Variants in STT3B observed in about 807,000 individuals in gnomAD.
STT3B encodes STT3 oligosaccharyltransferase complex catalytic subunit B, also known as dolichyl-diphosphooligosaccharide--protein glycosyltransferase subunit STT3B.
In STT3B, 29 loss-of-function variants were observed where a neutral mutation model predicts 96.8. The ratio of observed to expected loss-of-function variants is 0.30; its 90% CI spans 0.22 to 0.41. The LOEUF is 0.41. Among genes scored for constraint, STT3B ranks in the 10% least tolerant of loss-of-function variants. The probability of loss-of-function intolerance (pLI) is 1.00; values close to 1 mark genes in which losing one functional copy is unlikely to be tolerated. For synonymous variants in STT3B, 367 were observed against 360.0 expected (o/e 1.02, Z -0.22); for missense variants, 640 against 1,022.3 (o/e 0.63, Z 5.10).
At chr3:31,589,792 G>A (rs954311936) in intron 3 of STT3B, among the ~76,000 whole-genome samples, 5 of 151,868 alleles carry the variant, frequency 3.3e-5, no homozygotes, top group Non-Finnish European at 7.4e-5. Context: ...GAGACAGAGG[G>A]TCTTTGCTAC....
intron 1 of STT3B, among the ~76,000 whole-genome samples, chr3:31,557,394 A>C (rs566938857): frequency 6.6e-6 from 1 of 151,674 alleles, no homozygotes; most frequent in Non-Finnish European, 1.5e-5. Flanking sequence ...TGTTTTTTCT[A>C]TTTCTGTAAC....
intron 1 of STT3B, among the ~76,000 whole-genome samples, chr3:31,563,824 A>G (rs534547504): frequency 6.6e-6 from 1 of 152,172 alleles, no homozygotes; most frequent in South Asian, 2.1e-4. Context: ...GTTTTTTTTG[A>G]GATGGAGTCT....
At chr3:31,599,492 A>G (rs1698876782) in intron 4 of STT3B, among the ~76,000 whole-genome samples, 1 of 152,216 alleles carries the variant, frequency 6.6e-6, no homozygotes, top group Non-Finnish European at 1.5e-5. Flanking sequence ...GTATGTATTG[A>G]AAACTGATGG....
chr3:31,578,033 G>T (rs1307897326), intron 2 of STT3B, among the ~76,000 whole-genome samples: 1 of 152,080 alleles, frequency 6.6e-6, no homozygotes, highest in Non-Finnish European at 1.5e-5. Context: ...TTTTAGGACA[G>T]TTTTACTTAG....
Position 31,559,504 on chromosome 3 carries a change from C to T in STT3B, c.315-16892C>T, listed in dbSNP as rs943201277. Reference sequence around the variant, plus strand: ...GTTGTTTAAGTTCCATGTATTTGTACAGTTTTCAAGGTTCCTCTTGTTATT... The same window carrying T: ...GTTGTTTAAGTTCCATGTATTTGTATAGTTTTCAAGGTTCCTCTTGTTATT... On this transcript the variant is annotated intron_variant, in intron 1 of 15. Coordinates refer to ENST00000295770, the MANE Select transcript of STT3B (RefSeq NM_178862.3). Among the ~76,000 whole-genome samples the T allele has an allele frequency of 2.6e-5, 4 of 151,890 alleles. 1 individual carries two copies. The highest frequency in any genetic ancestry group is 1.9e-4 in the East Asian group (1 of 5,178).
chr3:31,595,597 G>C (rs1698771743), intron 3 of STT3B, among the ~76,000 whole-genome samples: 1 of 152,048 alleles, frequency 6.6e-6, no homozygotes, highest in African/African-American at 2.4e-5. Context: ...ATCCTAAAAT[G>C]TATACTTTCT....
chr3:31,572,687 CCT>C (rs1310709889), intron 1 of STT3B, among the ~76,000 whole-genome samples: 1 of 152,114 alleles, frequency 6.6e-6, no homozygotes, highest in Non-Finnish European at 1.5e-5. Flanking sequence ...CAAAGCAAGA[CCT>C]CATCTCTACA....
intron 1 of STT3B, among the ~76,000 whole-genome samples, chr3:31,549,986 A>AT (rs928908277): frequency 6.6e-6 from 1 of 151,662 alleles, no homozygotes; most frequent in Non-Finnish European, 1.5e-5. Context: ...TTTTTTTCAG[A>AT]TTTTTTTAGT....
At chr3:31,630,457 A>G (rs1263093996) in intron 14 of STT3B, among the ~76,000 whole-genome samples, 1 of 152,222 alleles carries the variant, frequency 6.6e-6, no homozygotes, top group Non-Finnish European at 1.5e-5. Context: ...TTTGTTAAGC[A>G]TGCTATAAAA....
At chr3:31,565,587 T>C (rs1291000701) in intron 1 of STT3B, among the ~76,000 whole-genome samples, 1 of 152,156 alleles carries the variant, frequency 6.6e-6, no homozygotes, top group Non-Finnish European at 1.5e-5. Flanking sequence ...ATATAAGAAG[T>C]ATGAGAAAGG....
At chr3:31,563,438 G>A (rs1313078366) in intron 1 of STT3B, among the ~76,000 whole-genome samples, 1 of 152,106 alleles carries the variant, frequency 6.6e-6, no homozygotes, top group East Asian at 1.9e-4. Context: ...TTTTCAGATA[G>A]GCAAGCAAAC....
At chr3:31,592,102 A>G (rs1267239127) in intron 3 of STT3B, among the ~76,000 whole-genome samples, 5 of 152,172 alleles carry the variant, frequency 3.3e-5, no homozygotes, top group Admixed American at 6.6e-5. Flanking sequence ...AACTATACCC[A>G]TTAAACAATA....
intron 2 of STT3B, 60 bp from the exon 3 acceptor site, chr3:31,579,749 C>A: frequency 7.6e-7 from 1 of 1,309,868 alleles, no homozygotes. Flanking sequence ...AGAGTACATA[C>A]ATTAATATTT....
intron 1 of STT3B, among the ~76,000 whole-genome samples, chr3:31,551,633 G>A (rs1697563293): frequency 1.3e-5 from 2 of 152,130 alleles, no homozygotes; most frequent in South Asian, 4.1e-4. Flanking sequence ...GGCCAGTTTT[G>A]GTAGTCGTAT....
intron 12 of STT3B, among the ~76,000 whole-genome samples, chr3:31,625,520 T>A (rs1699517043): frequency 6.6e-6 from 1 of 152,250 alleles, no homozygotes; most frequent in African/African-American, 2.4e-5. Context: ...CAAAGATTTT[T>A]AAATACAAAG....
At chr3:31,598,225 A>T (rs1559380472) in intron 4 of STT3B, among the ~76,000 whole-genome samples, 1 of 152,220 alleles carries the variant, frequency 6.6e-6, no homozygotes, top group Non-Finnish European at 1.5e-5. Context: ...TTTGCCTGTC[A>T]TATATCAAGC....
chr3:31,580,242 A>T (rs913257993), intron 3 of STT3B, 146 bp downstream of exon 3: 19 of 749,358 alleles, frequency 2.5e-5, no homozygotes, highest in Non-Finnish European at 3.4e-5. Context: ...TTAATAATGG[A>T]TAACATTTTA....
At chr3:31,601,609 T>TGGAGA (rs1444394219) in intron 5 of STT3B, among the ~76,000 whole-genome samples, 1 of 152,050 alleles carries the variant, frequency 6.6e-6, no homozygotes, top group Non-Finnish European at 1.5e-5. Flanking sequence ...GAGGAGAATG[T>TGGAGA]GGAGAGGAGA....
Position 31,615,941 on chromosome 3 carries a change from G to A in STT3B, c.976+738G>A, listed in dbSNP as rs183600709. ...GTACTTTTTGAGAATCCGTTTTTGCGACTACTCCTTTAGTTTTGTATATCT... is the reference window on the plus strand; with the variant it reads ...GTACTTTTTGAGAATCCGTTTTTGCAACTACTCCTTTAGTTTTGTATATCT... On this transcript the variant is annotated intron_variant, in intron 6 of 15. Coordinates refer to ENST00000295770, the MANE Select transcript of STT3B (RefSeq NM_178862.3). Among the ~76,000 whole-genome samples, 778 of 151,512 alleles carry A rather than the reference G, an allele frequency of 5.1e-3. 8 individuals carry two copies. Among genetic ancestry groups the A allele is most frequent in the Non-Finnish European group, 8.8e-3 (598 of 67,708 alleles).
Sources: gnomAD v4.1 joint callset for allele counts (sites outside exome capture counted in the v4.1 genomes callset) on GRCh38, gnomAD v4.1.1 for gene constraint, MANE v1.5 for transcripts, NCBI Gene and HGNC (gene_info 2026-07-23, HGNC 2026-07-21) for gene names.